CTPS1: variants seen among roughly 807,000 people sequenced by gnomAD.
The protein encoded by CTPS1 is CTP synthetase 1.
A neutral mutation model predicts 80.5 loss-of-function variants in CTPS1; 25 were observed. That is an observed-to-expected ratio of 0.31 (90% confidence interval 0.23 to 0.43). CTPS1 has a LOEUF of 0.43. Among genes scored for constraint, CTPS1 ranks in the 20% least tolerant of loss-of-function variants. The pLI, the probability that CTPS1 is intolerant of heterozygous loss-of-function variation, is 1.00. For synonymous variants in CTPS1, 267 were observed against 252.5 expected (o/e 1.06, Z -0.54); for missense variants, 442 against 725.7 (o/e 0.61, Z 4.49).
intron 5 of CTPS1, among the ~76,000 whole-genome samples, chr1:40,990,076 C>CT (rs1642563057): frequency 6.6e-6 from 1 of 152,206 alleles, no homozygotes; most frequent in South Asian, 2.1e-4. Context: ...TGAACCTACC[C>CT]CCCCGTATTT....
chr1:41,008,805 C>G lies in CTPS1; in HGVS notation c.1461C>G (p.Val487=). ...TCATGCCTCAACAGGTGAATCCAGT[C>G]TGGAAAAAGTGTTTGGAAGAACAAG... ...RHRHRFEVNP[V]WKKCLEEQGL... The change falls in exon 16 of 19, where the codon GTC becomes GTG. Residue 487 remains valine, a synonymous_variant. Coordinates refer to ENST00000650070, the MANE Select transcript of CTPS1 (RefSeq NM_001905.4). 1 of 1,614,052 alleles carries G rather than the reference C, an allele frequency of 6.2e-7. No homozygotes were observed. Among genetic ancestry groups the G allele is most frequent in the Non-Finnish European group, 8.5e-7 (1 of 1,179,980 alleles).
At chr1:41,003,410 C>T (rs971813694) in intron 12 of CTPS1, among the ~76,000 whole-genome samples, 2 of 152,156 alleles carry the variant, frequency 1.3e-5, no homozygotes, top group Admixed American at 1.3e-4. Flanking sequence ...CTCTGTGTTC[C>T]TGTTCTTGAG....
rs969669837 is a variant in CTPS1 at position 41,007,542 on chromosome 1, A to C, written c.1390A>C (p.Met464Leu). ...CCTGTTCCAGACCAAGAACTCAGTC[A>C]TGAGTAAGAGCTGCCTCACGCTGGC... Reference protein sequence around the residue: ...RTLFQTKNSVMRKLYGDADYL... With the variant: ...RTLFQTKNSVLRKLYGDADYL... The change falls in exon 14 of 19, where the codon ATG becomes CTG. Residue 464 changes from methionine to leucine, a missense_variant. By Grantham distance (15) the Met-to-Leu change is conservative. Coordinates refer to ENST00000650070, the MANE Select transcript of CTPS1 (RefSeq NM_001905.4). This position sits in a 1 kb window ranked among gnomAD's most constrained non-coding sequence, Gnocchi z 4.4. 6.8e-6 allele frequency: 11 copies of C among 1,613,480 alleles called. No individual in the cohort carries two copies. The highest frequency in any genetic ancestry group is 2.2e-5 in the East Asian group (1 of 44,894).
chr1:40,984,558 G>A (rs986628487), intron 2 of CTPS1, among the ~76,000 whole-genome samples: 1 of 152,186 alleles, frequency 6.6e-6, no homozygotes, highest in African/African-American at 2.4e-5. Context: ...CCACTGGGCT[G>A]TCATTTCTTC....
At chr1:40,984,206 G>T (rs938705653) in intron 2 of CTPS1, among the ~76,000 whole-genome samples, 9 of 152,204 alleles carry the variant, frequency 5.9e-5, no homozygotes, top group Non-Finnish European at 1.0e-4. Flanking sequence ...GGGAGAAAAT[G>T]AGACTTTTTT....
In CTPS1 at chr1:41,007,217, G is replaced by GC. The variant is rs1643055035; in HGVS notation, c.1297-231dup. ...GGCGGGACTAGCCTGAGGAGGGGCT[G>GC]CTGTGGTCCTGTCTGCAGATCAGGA... On this transcript the variant is annotated intron_variant, in intron 13 of 18. Coordinates refer to ENST00000650070, the MANE Select transcript of CTPS1 (RefSeq NM_001905.4). This position sits in a 1 kb window ranked among gnomAD's most constrained non-coding sequence, Gnocchi z 4.4. Among the ~76,000 whole-genome samples, 1 of 152,212 alleles carries GC rather than the reference G, an allele frequency of 6.6e-6. No homozygotes were observed. The highest frequency in any genetic ancestry group is 2.4e-5 in the African/African-American group (1 of 41,454).
chr1:41,006,009 T>G (rs543549399), intron 12 of CTPS1, 42 bp from the exon 13 acceptor site: 9 of 1,507,520 alleles, frequency 6.0e-6, no homozygotes, highest in Non-Finnish European at 8.3e-6. Flanking sequence ...TTAATCACTT[T>G]CGTTTGTAAC....
intron 13 of CTPS1, among the ~76,000 whole-genome samples, chr1:41,006,626 T>A (rs1570980676): frequency 6.6e-6 from 1 of 152,192 alleles, no homozygotes; most frequent in African/African-American, 2.4e-5. Flanking sequence ...CCCGCTGTAC[T>A]GTTAGGCACA....
chr1:40,989,108 GAA>G (rs1336567808), intron 5 of CTPS1, among the ~76,000 whole-genome samples: 2 of 152,252 alleles, frequency 1.3e-5, no homozygotes, highest in African/African-American at 4.8e-5. Flanking sequence ...CCGCAGCAGT[GAA>G]AGCAGAGAAG....
At chr1:40,993,850 C>A (rs1180659115) in intron 7 of CTPS1, among the ~76,000 whole-genome samples, 1 of 130,140 alleles carries the variant, frequency 7.7e-6, no homozygotes, top group Non-Finnish European at 1.6e-5. Flanking sequence ...ATGATCTTGG[C>A]TCACTGCCAT....
intron 18 of CTPS1, among the ~76,000 whole-genome samples, chr1:41,010,692 A>G (rs1244253509): frequency 6.6e-6 from 1 of 152,246 alleles, no homozygotes; most frequent in Non-Finnish European, 1.5e-5. Context: ...GCAGAGCCTC[A>G]GGTTTTCATC....
At chr1:40,980,948 C>T (rs1651861343) in intron 1 of CTPS1, 1 of 152,534 alleles carries the variant, frequency 6.6e-6, no homozygotes. Context: ...GCAGTCAGTC[C>T]TTCAAGGCCC....
At chr1:41,002,498 C>T (rs1027837054) in intron 11 of CTPS1, among the ~76,000 whole-genome samples, 1 of 152,124 alleles carries the variant, frequency 6.6e-6, no homozygotes, top group Non-Finnish European at 1.5e-5. Flanking sequence ...GAATTCCTGT[C>T]CATTTAATGA....
chr1:41,000,905 T>C, intron 9 of CTPS1, 124 bp from the exon 10 acceptor site: 1 of 545,782 alleles, frequency 1.8e-6, no homozygotes, highest in Non-Finnish European at 3.2e-6. Flanking sequence ...AGTATTAAGA[T>C]GATCACTTTA....
intron 12 of CTPS1, among the ~76,000 whole-genome samples, chr1:41,005,538 T>C (rs1322101435): frequency 6.6e-6 from 1 of 152,176 alleles, no homozygotes; most frequent in Non-Finnish European, 1.5e-5. Flanking sequence ...CATTTTGTAC[T>C]GATTGACTTT....
intron 7 of CTPS1, among the ~76,000 whole-genome samples, chr1:40,995,559 G>A (rs1220627239): frequency 6.6e-6 from 1 of 152,056 alleles, no homozygotes; most frequent in Non-Finnish European, 1.5e-5. Flanking sequence ...CACCATGCCT[G>A]GCTAAATTTT....
intron 3 of CTPS1, among the ~76,000 whole-genome samples, chr1:40,986,139 C>T (rs1473921264): frequency 6.6e-6 from 1 of 152,172 alleles, no homozygotes; most frequent in Non-Finnish European, 1.5e-5. Flanking sequence ...AGGCAAACAA[C>T]AAACATGAAA....
Position 40,995,974 on chromosome 1 carries a change from C to G in CTPS1, c.778C>G (p.Gln260Glu). The change falls in exon 8 of 19, where the codon CAA (glutamine) becomes GAA (glutamate). Residue 260 changes from glutamine to glutamate, a missense_variant. This residue lies in a region of CTPS1 where 321 missense variants were observed against 467.2 expected (regional missense o/e 0.69). Transcript: ENST00000650070. The part of the protein sequence containing the change: ...IYRVPLLLEE[Q>E]GVVDYFLRRL... ...CCGAGTCCCCTTGTTGTTAGAGGAG[C>G]AAGGGGTTGTAGATTATTTTCTTCG... 6.2e-7 allele frequency: 1 copy of G among 1,614,132 alleles called. No individual in the cohort carries two copies. The highest frequency in any genetic ancestry group is 8.5e-7 in the Non-Finnish European group (1 of 1,179,996).
At chr1:40,986,284 C>T (rs767001591) in intron 3 of CTPS1, among the ~76,000 whole-genome samples, 3 of 152,152 alleles carry the variant, frequency 2.0e-5, no homozygotes, top group African/African-American at 2.4e-5. Context: ...CCAGTCACAG[C>T]GAGAGTGGAA....
Sources: allele counts gnomAD v4.1 joint callset (sites outside exome capture counted in the v4.1 genomes callset), GRCh38; gene constraint gnomAD v4.1.1; regional missense constraint gnomAD v4.1.1; non-coding constraint Gnocchi (gnomAD v3.1); transcripts MANE v1.5; gene names NCBI Gene and HGNC (gene_info 2026-07-23, HGNC 2026-07-21).